Variants in PBX1 observed in about 807,000 individuals in gnomAD.
PBX1 encodes pre-B-cell leukemia transcription factor 1.
PBX1 carries 6 observed loss-of-function variants against 53.4 expected under a neutral mutation model. The observed-to-expected ratio is 0.11, with a 90% CI of 0.06 to 0.22. The LOEUF (loss-of-function observed/expected upper bound fraction) is 0.22. PBX1 is among the 10% of genes least tolerant of loss of function. The probability of loss-of-function intolerance (pLI) is 1.00; values close to 1 mark genes in which losing one functional copy is unlikely to be tolerated. For synonymous variants in PBX1, 204 were observed against 212.3 expected, an observed-to-expected ratio of 0.96 and a Z score of 0.34; for missense variants, 251 against 551.4, an observed-to-expected ratio of 0.46 and a Z score of 5.46.
At chr1:164,769,620 A>C (rs1418724593) in intron 2 of PBX1, among the ~76,000 whole-genome samples, 19 of 152,190 alleles carry the variant, frequency 1.2e-4, no homozygotes, top group Admixed American at 1.2e-3. Flanking sequence ...ATTGAGTTGG[A>C]GTTGGAAATC....
intron 2 of PBX1, among the ~76,000 whole-genome samples, chr1:164,772,693 C>G (rs182565222): frequency 6.6e-6 from 1 of 152,154 alleles, no homozygotes; most frequent in East Asian, 1.9e-4. Context: ...ATTGCTGCCC[C>G]GCGTGCTTTT....
chr1:164,812,195 AT>A, intron 6 of PBX1, 46 bp downstream of exon 6: 1 of 1,530,680 alleles, frequency 6.5e-7, no homozygotes, highest in Non-Finnish European at 8.9e-7. Context: ...ATTGTTCTCC[AT>A]TTTTATACTG....
chr1:164,820,810 C>T (rs1670112125), intron 7 of PBX1, among the ~76,000 whole-genome samples: 1 of 152,112 alleles, frequency 6.6e-6, no homozygotes, highest in Non-Finnish European at 1.5e-5. Context: ...AAGAAGCCAT[C>T]CTACTACCTC....
intron 2 of PBX1, among the ~76,000 whole-genome samples, chr1:164,716,974 T>G (rs1664136632): frequency 6.6e-6 from 1 of 152,058 alleles, no homozygotes; most frequent in Admixed American, 6.5e-5. Context: ...AGTTGATAGT[T>G]AAGAGAAAGG....
At chr1:164,589,292 T>C (rs1655191348) in intron 2 of PBX1, among the ~76,000 whole-genome samples, 1 of 151,968 alleles carries the variant, frequency 6.6e-6, no homozygotes, top group Admixed American at 6.6e-5. Context: ...TCCCAAGTTG[T>C]TTGCAGATGG....
chr1:164,843,134 G>C (rs1036581949), intron 8 of PBX1, among the ~76,000 whole-genome samples: 1 of 152,154 alleles, frequency 6.6e-6, no homozygotes, highest in African/African-American at 2.4e-5. Context: ...TACAGCTGAA[G>C]CAGCCGAAGT....
At chr1:164,694,774 A>G (rs2102032607) in intron 2 of PBX1, among the ~76,000 whole-genome samples, 1 of 152,340 alleles carries the variant, frequency 6.6e-6, no homozygotes, top group Non-Finnish European at 1.5e-5. Context: ...CAAGCATTTA[A>G]TGAACACTTT....
At chr1:164,727,577 A>C (rs923374369) in intron 2 of PBX1, among the ~76,000 whole-genome samples, 2 of 152,226 alleles carry the variant, frequency 1.3e-5, no homozygotes, top group Non-Finnish European at 2.9e-5. Context: ...ACATACAGAC[A>C]TATGGTGGAA....
intron 2 of PBX1, among the ~76,000 whole-genome samples, chr1:164,868,087 A>G (rs943086473): frequency 6.6e-6 from 1 of 152,232 alleles, no homozygotes; most frequent in African/African-American, 2.4e-5. Flanking sequence ...GGGAGGAAGA[A>G]GAGAATACGG....
chr1:164,654,792 GT>G (rs757153218), intron 2 of PBX1, among the ~76,000 whole-genome samples: 44 of 152,222 alleles, frequency 2.9e-4, no homozygotes, highest in Non-Finnish European at 2.4e-4. Context: ...AACCAAGATA[GT>G]TAACCAAGTC....
chr1:164,661,399 T>A (rs1660480358), intron 2 of PBX1, among the ~76,000 whole-genome samples: 1 of 150,840 alleles, frequency 6.6e-6, no homozygotes, highest in African/African-American at 2.4e-5. Context: ...GGTCTAGGGA[T>A]CACCAGCAAT....
At position 164,848,671 on chromosome 1, in the gene PBX1, C is replaced by T. The variant is rs1671685351; in HGVS notation, c.*1995C>T. Reference sequence around the variant, plus strand: ...AACAGGCCCTGGTTCCCTTAGTTTGCACTTGAACCCAATATGTTGCCTTGT... The same window carrying T: ...AACAGGCCCTGGTTCCCTTAGTTTGTACTTGAACCCAATATGTTGCCTTGT... On this transcript the variant is annotated 3_prime_UTR_variant, in exon 9 of 9. Coordinates refer to ENST00000420696, the MANE Select transcript of PBX1 (RefSeq NM_002585.4). The T allele has an allele frequency of 2.8e-6, 3 of 1,055,566 alleles. No homozygotes were observed. Among genetic ancestry groups the T allele is most frequent in the Non-Finnish European group, 3.4e-6 (3 of 873,314 alleles). 65.4% of individuals were successfully genotyped at this position (1,055,566 alleles called of 1,614,324 possible).
intron 2 of PBX1, among the ~76,000 whole-genome samples, chr1:164,785,037 G>A (rs1329368458): frequency 6.6e-6 from 1 of 152,182 alleles, no homozygotes; most frequent in East Asian, 1.9e-4. Context: ...GGGGGAACAA[G>A]GGTGGCTTTC....
At chr1:164,653,497 G>A (rs2101928537) in intron 2 of PBX1, among the ~76,000 whole-genome samples, 1 of 152,270 alleles carries the variant, frequency 6.6e-6, no homozygotes, top group East Asian at 1.9e-4. Context: ...GAGGGGCTGA[G>A]CATGGTGCCT....
intron 2 of PBX1, among the ~76,000 whole-genome samples, chr1:164,761,450 CT>C (rs35369933): frequency 6.6e-4 from 97 of 146,244 alleles, no homozygotes; most frequent in Middle Eastern, 3.6e-3. Flanking sequence ...GGACATTATT[CT>C]TTTTTTTTTT....
At chr1:164,824,989 A>G (rs1404773102) in intron 8 of PBX1, among the ~76,000 whole-genome samples, 3 of 152,106 alleles carry the variant, frequency 2.0e-5, no homozygotes, top group African/African-American at 7.2e-5. Context: ...TCAGAAATCT[A>G]TTGCCTACCC....
chr1:164,800,669 G>A (rs771733419), intron 4 of PBX1, among the ~76,000 whole-genome samples: 4 of 152,230 alleles, frequency 2.6e-5, no homozygotes, highest in South Asian at 4.2e-4. Context: ...AGTAATAGTC[G>A]TCATATCTTT....
At chr1:164,596,211 T>G (rs1655744729) in intron 2 of PBX1, among the ~76,000 whole-genome samples, 1 of 152,200 alleles carries the variant, frequency 6.6e-6, no homozygotes, top group South Asian at 2.1e-4. Flanking sequence ...AAAGGTTACC[T>G]TCAAGTGCAT....
intron 2 of PBX1, among the ~76,000 whole-genome samples, chr1:164,589,927 G>T (rs1281374210): frequency 1.3e-5 from 2 of 152,198 alleles, no homozygotes; most frequent in African/African-American, 4.8e-5. Context: ...TGATAAGAAA[G>T]GCCAGGTGCG....
Sources: gnomAD v4.1 joint callset for allele counts (sites outside exome capture counted in the v4.1 genomes callset) on GRCh38, gnomAD v4.1.1 for gene constraint, MANE v1.5 for transcripts, NCBI Gene and HGNC (gene_info 2026-07-23, HGNC 2026-07-21) for gene names.